Variants in CLVS1 observed in about 807,000 individuals in gnomAD.
The protein encoded by CLVS1 is clavesin-1.
In CLVS1, 10 loss-of-function variants were observed where a neutral mutation model predicts 33.1. The ratio of observed to expected loss-of-function variants is 0.30; its 90% CI spans 0.19 to 0.51. The LOEUF is 0.51. CLVS1 is among the 20% of genes least tolerant of loss of function. The pLI is 0.97. For synonymous variants in CLVS1, 163 were observed against 166.1 expected, an observed-to-expected ratio of 0.98 and a Z score of 0.14; for missense variants, 343 against 433.4, an observed-to-expected ratio of 0.79 and a Z score of 1.85.
At chr8:61,029,636 C>T in the CLVS1 span, among the ~76,000 whole-genome samples, 1 of 151,668 alleles carries the variant, frequency 6.6e-6, no homozygotes, top group African/African-American at 2.4e-5. Context: ...TTATGGGGTA[C>T]ATGTGCAGAA....
chr8:61,182,293 G>A (rs1585669054), intron 2 of CLVS1, among the ~76,000 whole-genome samples: 1 of 152,154 alleles, frequency 6.6e-6, no homozygotes, highest in East Asian at 1.9e-4. Flanking sequence ...TGATGAAAAC[G>A]CCAAAAGCAA....
chr8:61,444,700 G>C (rs1816689620), intron 3 of CLVS1, among the ~76,000 whole-genome samples: 1 of 152,200 alleles, frequency 6.6e-6, no homozygotes, highest in Admixed American at 6.5e-5. Flanking sequence ...AGGCAGCGGA[G>C]TGAGTAGAGA....
intron 2 of CLVS1, among the ~76,000 whole-genome samples, chr8:61,207,810 C>T (rs1359134384): frequency 6.6e-6 from 1 of 152,110 alleles, no homozygotes. Context: ...TTTTCAACCA[C>T]GATTTTCAGC....
chr8:61,153,613 C>T (rs1027737395), intron 2 of CLVS1, among the ~76,000 whole-genome samples: 1 of 152,096 alleles, frequency 6.6e-6, no homozygotes, highest in Non-Finnish European at 1.5e-5. Context: ...GTGCCACGGT[C>T]GGGGAGCTGA....
intron 1 of CLVS1, among the ~76,000 whole-genome samples, chr8:61,100,792 T>C (rs1190293928): frequency 6.6e-6 from 1 of 152,192 alleles, no homozygotes. Flanking sequence ...TCTATCTCTG[T>C]GGATTTGCCT....
intron 2 of CLVS1, among the ~76,000 whole-genome samples, chr8:61,365,830 T>C (rs544867717): frequency 6.6e-6 from 1 of 152,082 alleles, no homozygotes; most frequent in South Asian, 2.1e-4. Context: ...TCTATGTCAT[T>C]AGACAGGAAG....
At chr8:61,151,372 C>T (rs1341791840) in intron 2 of CLVS1, among the ~76,000 whole-genome samples, 1 of 152,172 alleles carries the variant, frequency 6.6e-6, no homozygotes, top group Non-Finnish European at 1.5e-5. Context: ...TTAATATTCG[C>T]AATAACCCTA....
chr8:61,462,445 C>T (rs1817401574), intron 5 of CLVS1, among the ~76,000 whole-genome samples: 1 of 152,130 alleles, frequency 6.6e-6, no homozygotes, highest in South Asian at 2.1e-4. Flanking sequence ...AGTGCAATGG[C>T]ATGATCTCAT....
chr8:61,282,315 G>A (rs1809686309), intron 2 of CLVS1, among the ~76,000 whole-genome samples: 1 of 152,172 alleles, frequency 6.6e-6, no homozygotes, highest in Non-Finnish European at 1.5e-5. Context: ...GGGATCATGA[G>A]GTAGAGGGAA....
the CLVS1 span, among the ~76,000 whole-genome samples, chr8:61,033,552 A>G: frequency 6.6e-6 from 1 of 152,200 alleles, no homozygotes. Flanking sequence ...TCCCTCAGTC[A>G]GGGGGGAGTG....
In CLVS1 at chr8:61,237,204, C is replaced by T. The variant is rs73684466; in HGVS notation, c.-151-62473C>T. ...TGACTCCTATTTTCAGCATAGCTGG[C>T]CAAGGTAGCAAGCTACTGGTCACTG... On this transcript the variant is annotated intron_variant, in intron 2 of 2. Transcript: ENST00000522621. 6.0e-3 allele frequency among the ~76,000 whole-genome samples: 912 copies of T among 152,274 alleles called. 8 individuals are homozygous for T. Among genetic ancestry groups the T allele is most frequent in the African/African-American group, 0.02 (850 of 41,552 alleles).
At chr8:61,167,936 A>C (rs11784249) in intron 2 of CLVS1, among the ~76,000 whole-genome samples, 5,222 of 152,330 alleles carry the variant, frequency 0.034, 99 homozygotes, top group Middle Eastern at 0.041. Context: ...TTAGCATTTC[A>C]TCAAGAAATA....
intron 2 of CLVS1, among the ~76,000 whole-genome samples, chr8:61,173,181 T>C (rs1807042747): frequency 6.6e-6 from 1 of 152,174 alleles, no homozygotes; most frequent in Admixed American, 6.5e-5. Context: ...CACAAGTAGA[T>C]AGGGTATTAG....
chr8:61,443,327 A>T (rs1167916339), intron 3 of CLVS1, among the ~76,000 whole-genome samples: 2 of 152,170 alleles, frequency 1.3e-5, no homozygotes, highest in Admixed American at 1.3e-4. Context: ...GATATTGAAG[A>T]TTATTTCCTA....
the CLVS1 span, among the ~76,000 whole-genome samples, chr8:60,998,726 A>G: frequency 6.6e-6 from 1 of 152,150 alleles, no homozygotes; most frequent in Non-Finnish European, 1.5e-5. Context: ...AAAAGGAAGA[A>G]TCCACAGCAA....
At chr8:61,058,570 A>G (rs1294631884) in intron 1 of CLVS1, among the ~76,000 whole-genome samples, 2 of 152,218 alleles carry the variant, frequency 1.3e-5, no homozygotes, top group Non-Finnish European at 2.9e-5. Flanking sequence ...ATACACCACA[A>G]ATGTGGAAAG....
At chr8:61,248,629 T>A (rs1027415345) in intron 2 of CLVS1, among the ~76,000 whole-genome samples, 1 of 145,422 alleles carries the variant, frequency 6.9e-6, no homozygotes, top group African/African-American at 2.7e-5. Context: ...TACATTTTTT[T>A]AATCACCAAG....
the CLVS1 span, among the ~76,000 whole-genome samples, chr8:61,037,628 C>T: frequency 1.3e-5 from 2 of 152,186 alleles, no homozygotes; most frequent in South Asian, 2.1e-4. Context: ...TTGATAATGA[C>T]AATCTCTTCA....
chr8:61,251,652 G>A (rs911901831), intron 2 of CLVS1, among the ~76,000 whole-genome samples: 7 of 152,140 alleles, frequency 4.6e-5, no homozygotes, highest in Non-Finnish European at 1.0e-4. Flanking sequence ...GAGAGTGTAT[G>A]TGTTTAGGAA....
Sources: allele counts gnomAD v4.1 joint callset (sites outside exome capture counted in the v4.1 genomes callset), GRCh38; gene constraint gnomAD v4.1.1; transcripts MANE v1.5; gene names NCBI Gene and HGNC (gene_info 2026-07-23, HGNC 2026-07-21).